The following RCBTB1 variants were observed in gnomAD, a reference collection of about 807,000 sequenced individuals.
RCBTB1 encodes RCC1 and BTB domain containing protein 1, also known as RCC1 and BTB domain-containing protein 1.
Under a neutral mutation model 62.4 loss-of-function variants are expected in RCBTB1, and 46 were observed. That is an observed-to-expected ratio of 0.74 (90% CI 0.58 to 0.94). RCBTB1 has a LOEUF of 0.94. Among genes scored for constraint, RCBTB1 ranks in the 40% least tolerant of loss-of-function variants. The pLI is 0.00. For synonymous variants in RCBTB1, 222 were observed against 245.8 expected (o/e 0.90, Z 0.91); for missense variants, 565 against 654.9 (o/e 0.86, Z 1.50).
chr13:49,545,659 T>C (rs1193262673), intron 9 of RCBTB1, among the ~76,000 whole-genome samples: 4 of 152,174 alleles, frequency 2.6e-5, no homozygotes, highest in African/African-American at 9.7e-5. Context: ...AAAGGGCTAA[T>C]GGGGAAATTT....
intron 2 of RCBTB1, among the ~76,000 whole-genome samples, chr13:49,571,652 T>C (rs1963407685): frequency 1.3e-5 from 2 of 152,162 alleles, no homozygotes; most frequent in Admixed American, 6.5e-5. Flanking sequence ...TGAGAGGTTT[T>C]GTGGGGCTAT....
chr13:49,553,391 G>A (rs953686647), intron 6 of RCBTB1, among the ~76,000 whole-genome samples: 1 of 152,154 alleles, frequency 6.6e-6, no homozygotes, highest in African/African-American at 2.4e-5. Flanking sequence ...AAATAGGTGA[G>A]CTCTGATGAG....
chr13:49,563,227 T>C (rs9535263), intron 4 of RCBTB1, among the ~76,000 whole-genome samples: 1 of 150,426 alleles, frequency 6.6e-6, no homozygotes, highest in African/African-American at 2.5e-5. Context: ...TGGTGAGACC[T>C]CATCTCTACA....
At chr13:49,568,860 C>T (rs1055447433) in intron 2 of RCBTB1, among the ~76,000 whole-genome samples, 4 of 152,062 alleles carry the variant, frequency 2.6e-5, no homozygotes, top group South Asian at 4.2e-4. Context: ...ACCCGGGAGG[C>T]GGAGGTTGCA....
intron 12 of RCBTB1, chr13:49,537,767 C>T (rs868395595): frequency 2.6e-5 from 4 of 152,292 alleles, no homozygotes; most frequent in Middle Eastern, 3.4e-3. Flanking sequence ...CAGGTCTGTA[C>T]CAAAGGAGTA....
At chr13:49,584,566 C>T (rs559112423) in intron 1 of RCBTB1, among the ~76,000 whole-genome samples, 4 of 152,120 alleles carry the variant, frequency 2.6e-5, no homozygotes, top group African/African-American at 2.4e-5. Context: ...CCATTCCTTC[C>T]GGCATTATAT....
At chr13:49,537,084 A>T (rs1448100930) in intron 12 of RCBTB1, among the ~76,000 whole-genome samples, 1 of 152,176 alleles carries the variant, frequency 6.6e-6, no homozygotes, top group Non-Finnish European at 1.5e-5. Context: ...CCAAAGCTAA[A>T]CTAGTTGAAT....
intron 4 of RCBTB1, among the ~76,000 whole-genome samples, chr13:49,563,879 G>A (rs999335377): frequency 1.3e-5 from 2 of 152,214 alleles, no homozygotes; most frequent in Non-Finnish European, 2.9e-5. Flanking sequence ...ACTAAAACCT[G>A]TGACAGCATT....
chr13:49,565,378 C>T (rs930906659), intron 4 of RCBTB1, among the ~76,000 whole-genome samples: 9 of 152,022 alleles, frequency 5.9e-5, no homozygotes, highest in African/African-American at 1.9e-4. Context: ...CCTCCACCTC[C>T]CAGCTGCCTG....
intron 12 of RCBTB1, among the ~76,000 whole-genome samples, chr13:49,536,349 T>A (rs1959943854): frequency 6.6e-6 from 1 of 152,054 alleles, no homozygotes; most frequent in Non-Finnish European, 1.5e-5. Context: ...CACCAGAGAG[T>A]CGCACAGTCA....
At chr13:49,537,598 A>C (rs1960037436) in intron 12 of RCBTB1, among the ~76,000 whole-genome samples, 1 of 152,218 alleles carries the variant, frequency 6.6e-6, no homozygotes, top group Admixed American at 6.5e-5. Context: ...AAAGTTCTCT[A>C]CTCTGGTTAA....
rs7994201 is a variant in RCBTB1, at chr13:49,585,356, T to A, written c.-122+88A>T. ...GGGAGGTACAGGAGTAACGGGGCAC[T>A]CCCGGCCCGGCCTGCGGGGAAGGGA... On this transcript the variant is annotated intron_variant, in intron 1 of 12. Coordinates refer to ENST00000378302, the MANE Select transcript of RCBTB1 (RefSeq NM_018191.4). 0.51 allele frequency: 77,778 copies of A among 151,858 alleles called. 20,887 individuals carry two copies. Among genetic ancestry groups the A allele is most frequent in the Non-Finnish European group, 0.62 (42,301 of 67,898 alleles). 9.4% of individuals were successfully genotyped at this position (151,858 alleles called of 1,614,324 possible).
At chr13:49,576,616 T>C (rs1036172584) in intron 2 of RCBTB1, among the ~76,000 whole-genome samples, 2 of 151,810 alleles carry the variant, frequency 1.3e-5, no homozygotes, top group Admixed American at 6.6e-5. Context: ...ATTGCTAAGA[T>C]GACAGGTCCT....
chr13:49,572,714 G>A (rs1963491673), intron 2 of RCBTB1, among the ~76,000 whole-genome samples: 2 of 152,136 alleles, frequency 1.3e-5, no homozygotes, highest in Admixed American at 6.5e-5. Context: ...TGAGGTGGGA[G>A]GATCATCTGA....
At chr13:49,538,117 C>T (rs1432136897) in intron 12 of RCBTB1, 3 of 152,208 alleles carry the variant, frequency 2.0e-5, no homozygotes, top group Non-Finnish European at 2.9e-5. Flanking sequence ...CAATTTCTAA[C>T]CTGACTCATC....
chr13:49,566,762 C>T lies in RCBTB1; in HGVS notation c.133G>A (p.Val45Ile), dbSNP rs779061467. 3 of 1,604,474 alleles carry T rather than the reference C, an allele frequency of 1.9e-6. No individual in the cohort carries two copies. In the East Asian group the frequency reaches 6.7e-5, roughly 36 times the overall value. ...LYVTDNDEVF[V>I]FGLNYSNCLG... is the part of the protein sequence containing the mutation. ...CAGTTACTATAGTTCAGTCCAAATA[C>T]AAAGACCTAGAAAATAGATAGTTTT... Residue 45 changes from valine to isoleucine, a missense_variant, in exon 4 of 13, where the codon GTA becomes ATA. By Grantham distance (29) the Val-to-Ile change is conservative. Transcript: ENST00000378302.
intron 6 of RCBTB1, 116 bp from the exon 7 acceptor site, chr13:49,552,401 T>A: frequency 1.6e-6 from 1 of 609,092 alleles, no homozygotes; most frequent in Non-Finnish European, 2.9e-6. Context: ...TATTCTACTC[T>A]ATGCTCCTGC....
chr13:49,559,654 T>TAAAAA (rs1962265498), intron 5 of RCBTB1, among the ~76,000 whole-genome samples: 2 of 21,298 alleles, frequency 9.4e-5, no homozygotes, highest in African/African-American at 2.2e-4. Context: ...AGACTCCATC[T>TAAAAA]CAAAAAAAAA....
chr13:49,546,011 G>A (rs750956433), intron 9 of RCBTB1: 56 of 839,604 alleles, frequency 6.7e-5, no homozygotes, highest in Non-Finnish European at 8.0e-5. Flanking sequence ...CCTGGCTACA[G>A]AGGAAAGGTA....
Sources: gnomAD v4.1 joint callset for allele counts (sites outside exome capture counted in the v4.1 genomes callset) on GRCh38, gnomAD v4.1.1 for gene constraint, MANE v1.5 for transcripts, NCBI Gene and HGNC (gene_info 2026-07-23, HGNC 2026-07-21) for gene names.